EIF4G3: variants seen among roughly 807,000 people sequenced by gnomAD.
EIF4G3 encodes the protein eukaryotic translation initiation factor 4 gamma 3.
A neutral mutation model predicts 186.4 loss-of-function variants in EIF4G3; 34 were observed. That is an observed-to-expected ratio of 0.18 (90% confidence interval 0.14 to 0.24). The LOEUF (loss-of-function observed/expected upper bound fraction) is 0.24. Ranked by LOEUF, EIF4G3 falls within the 10% of genes least tolerant of loss-of-function variation. EIF4G3 has a pLI of 1.00. For missense variants in EIF4G3, 1,536 were observed against 1,948.5 expected (o/e 0.79, Z 3.99); for synonymous variants, 673 against 679.5 (o/e 0.99, Z 0.15).
intron 14 of EIF4G3, among the ~76,000 whole-genome samples, chr1:20,937,192 A>G (rs1017266721): frequency 2.6e-5 from 4 of 152,200 alleles, no homozygotes; most frequent in Non-Finnish European, 5.9e-5. Context: ...AAAAAGAGAG[A>G]GAGGGAATAA....
chr1:20,879,800 T>C (rs1403519894), intron 19 of EIF4G3, among the ~76,000 whole-genome samples: 1 of 152,156 alleles, frequency 6.6e-6, no homozygotes, highest in East Asian at 1.9e-4. Flanking sequence ...TGACAACGTG[T>C]ATCAAAAGCT....
chr1:21,097,245 A>G (rs2096396935), intron 2 of EIF4G3, among the ~76,000 whole-genome samples: 1 of 152,142 alleles, frequency 6.6e-6, no homozygotes, highest in African/African-American at 2.4e-5. Context: ...GACTCTTTTC[A>G]TCGAAAAAAG....
At chr1:20,862,093 T>C (rs967650940) in intron 23 of EIF4G3, 135 bp downstream of exon 23, 8 of 535,730 alleles carry the variant, frequency 1.5e-5, no homozygotes, top group Non-Finnish European at 2.6e-5. Context: ...CACGGAAAGT[T>C]TGCCAATCCA....
intron 19 of EIF4G3, among the ~76,000 whole-genome samples, chr1:20,883,977 C>T (rs2083275491): frequency 2.0e-5 from 3 of 152,052 alleles, no homozygotes; most frequent in Admixed American, 1.3e-4. Flanking sequence ...GGGGTAGAAG[C>T]CCAGACATGT....
At chr1:20,893,435 G>A (rs765009045) in intron 18 of EIF4G3, 82 bp downstream of exon 18, 56 of 1,393,588 alleles carry the variant, frequency 4.0e-5, no homozygotes, top group Non-Finnish European at 5.3e-5. Context: ...ACGAATAAAA[G>A]CTGCTGTCTT....
At chr1:21,119,756 G>C (rs1022651135) in intron 2 of EIF4G3, among the ~76,000 whole-genome samples, 3 of 152,042 alleles carry the variant, frequency 2.0e-5, no homozygotes, top group African/African-American at 7.2e-5. Flanking sequence ...CTATAAAAGA[G>C]AAAGGACTAG....
chr1:20,984,591 CACTT>C (rs2079035373), intron 7 of EIF4G3, among the ~76,000 whole-genome samples: 2 of 121,166 alleles, frequency 1.7e-5, no homozygotes, highest in Non-Finnish European at 3.6e-5. Flanking sequence ...CACATATATA[CACTT>C]TTTTTTTTTT....
intron 2 of EIF4G3, among the ~76,000 whole-genome samples, chr1:21,116,753 C>G (rs1406479882): frequency 6.6e-6 from 1 of 151,022 alleles, no homozygotes; most frequent in Non-Finnish European, 1.5e-5. Flanking sequence ...GCAGGAGAAA[C>G]GCTTGAACCC....
chr1:21,058,397 A>C (rs2094677044), intron 3 of EIF4G3, among the ~76,000 whole-genome samples: 1 of 152,204 alleles, frequency 6.6e-6, no homozygotes, highest in African/African-American at 2.4e-5. Flanking sequence ...TCTGCATGAA[A>C]TTGTCCTGAC....
In EIF4G3 at chr1:20,851,288, C is replaced by T. The variant is rs369339514; in HGVS notation, c.3742G>A (p.Glu1248Lys). 6.2e-7 allele frequency: 1 copy of T among 1,614,082 alleles called. No individual in the cohort carries two copies. Among genetic ancestry groups the T allele is most frequent in the Non-Finnish European group, 8.5e-7 (1 of 1,180,046 alleles). Residue 1248 changes from glutamate to lysine, a missense_variant, in exon 28 of 37, where the codon GAG becomes AAG. By Grantham distance (56) the Glu-to-Lys change is moderately conservative. Transcript: ENST00000602326. ...GGVDVERNST[E>K]AERNKTRESA... ...TCCCTTGTTTTATTTCGCTCAGCCT[C>T]AGTGCTGTTCCTCTCCACATCCACA...
At chr1:20,831,540 CTTT>C (rs560510994) in intron 30 of EIF4G3, among the ~76,000 whole-genome samples, 1 of 132,214 alleles carries the variant, frequency 7.6e-6, no homozygotes, top group Admixed American at 7.5e-5. Flanking sequence ...TTGCATTTTT[CTTT>C]TTTTTTTTTT....
intron 4 of EIF4G3, among the ~76,000 whole-genome samples, chr1:21,008,681 T>C (rs181765361): frequency 2.3e-4 from 35 of 152,250 alleles, no homozygotes; most frequent in Non-Finnish European, 1.0e-4. Context: ...AATAAAGAGA[T>C]ATAGATGTAA....
At chr1:20,921,350 T>G (rs994944955) in intron 14 of EIF4G3, among the ~76,000 whole-genome samples, 2 of 152,214 alleles carry the variant, frequency 1.3e-5, no homozygotes, top group Admixed American at 6.5e-5. Flanking sequence ...GATGCAAGGT[T>G]AGGCAAAGAG....
intron 20 of EIF4G3, among the ~76,000 whole-genome samples, chr1:20,870,669 T>C (rs2078931495): frequency 6.6e-6 from 1 of 152,246 alleles, no homozygotes; most frequent in Admixed American, 6.5e-5. Flanking sequence ...CAATTTAAAA[T>C]TGTACTTAAG....
chr1:20,974,182 CA>C (rs750346174), intron 10 of EIF4G3, among the ~76,000 whole-genome samples: 15 of 152,078 alleles, frequency 9.9e-5, no homozygotes, highest in South Asian at 4.1e-4. Flanking sequence ...GAAAGTGACA[CA>C]AATCTGGAGT....
intron 29 of EIF4G3, among the ~76,000 whole-genome samples, chr1:20,848,893 A>G (rs2072199019): frequency 6.6e-6 from 1 of 151,888 alleles, no homozygotes; most frequent in Admixed American, 6.6e-5. Flanking sequence ...CTAAAAATAC[A>G]AAAATTAGCT....
At chr1:20,932,201 C>T (rs2095341857) in intron 14 of EIF4G3, among the ~76,000 whole-genome samples, 2 of 152,180 alleles carry the variant, frequency 1.3e-5, no homozygotes, top group Admixed American at 1.3e-4. Flanking sequence ...GCAGCTTCCT[C>T]ACCTCACTCA....
intron 34 of EIF4G3, among the ~76,000 whole-genome samples, chr1:20,817,013 A>G (rs2061171702): frequency 1.4e-5 from 2 of 144,862 alleles, no homozygotes; most frequent in South Asian, 2.3e-4. Flanking sequence ...GCGGTGCAAG[A>G]TGTGCTTTGT....
intron 13 of EIF4G3, among the ~76,000 whole-genome samples, chr1:20,943,698 A>T (rs2095806431): frequency 6.6e-6 from 1 of 152,218 alleles, no homozygotes; most frequent in South Asian, 2.1e-4. Context: ...TTTACAATAA[A>T]TTGTAATTAT....
Sources: allele counts gnomAD v4.1 joint callset (sites outside exome capture counted in the v4.1 genomes callset), GRCh38; gene constraint gnomAD v4.1.1; transcripts MANE v1.5; gene names NCBI Gene and HGNC (gene_info 2026-07-23, HGNC 2026-07-21).